Variants in PRKCE observed in about 807,000 individuals in gnomAD.
PRKCE encodes the protein protein kinase C epsilon type.
A neutral mutation model predicts 85.4 loss-of-function variants in PRKCE; 16 were observed. The ratio of observed to expected loss-of-function variants is 0.19; its 90% CI spans 0.13 to 0.28. The LOEUF is 0.28. Ranked by LOEUF, PRKCE falls within the 10% of genes least tolerant of loss-of-function variation. The pLI, the probability that PRKCE is intolerant of heterozygous loss-of-function variation, is 1.00. For synonymous variants in PRKCE, 388 were observed against 371.5 expected, an observed-to-expected ratio of 1.04 and a Z score of -0.51; for missense variants, 573 against 975.2, an observed-to-expected ratio of 0.59 and a Z score of 5.49.
chr2:45,995,799 G>A (rs767989507), intron 6 of PRKCE, among the ~76,000 whole-genome samples: 35 of 152,154 alleles, frequency 2.3e-4, no homozygotes, highest in Admixed American at 1.2e-3. Context: ...TTCTGACTTC[G>A]TTCTTTTTCT....
intron 12 of PRKCE, among the ~76,000 whole-genome samples, chr2:46,150,813 G>A (rs532754007): frequency 6.6e-6 from 1 of 152,326 alleles, no homozygotes; most frequent in South Asian, 2.1e-4. Context: ...GTTCCCACTG[G>A]AAGACAGACT....
At chr2:46,060,825 G>A (rs1469821170) in intron 10 of PRKCE, among the ~76,000 whole-genome samples, 1 of 150,412 alleles carries the variant, frequency 6.6e-6, no homozygotes, top group Non-Finnish European at 1.5e-5. Flanking sequence ...GCAGTGGCAC[G>A]ATATCAGCTC....
chr2:45,689,283 A>T lies in PRKCE; in HGVS notation c.348+36835A>T, dbSNP rs144915931. ...ACAGTGATGCCTTATTTAACTGGGG[A>T]ACAGATTTCAGGTAACCTTGGGTAA... On this transcript the variant is annotated intron_variant, in intron 1 of 14. Coordinates refer to ENST00000306156, the MANE Select transcript of PRKCE (RefSeq NM_005400.3). Among the ~76,000 whole-genome samples the T allele has an allele frequency of 1.6e-3, 251 of 152,296 alleles. 1 individual carries two copies. The highest frequency in any genetic ancestry group is 5.9e-3 in the African/African-American group (244 of 41,554).
chr2:46,097,973 G>A lies in PRKCE; in HGVS notation c.1592+11611G>A, dbSNP rs867722151. 4.0e-4 allele frequency among the ~76,000 whole-genome samples: 61 copies of A among 152,194 alleles called. 2 individuals are homozygous for A. The highest frequency in any genetic ancestry group is 1.3e-3 in the African/African-American group (53 of 41,450). On this transcript the variant is annotated intron_variant, in intron 11 of 14. Transcript: ENST00000306156. Reference sequence around the variant, plus strand: ...AAGTTTACATTCCTTGGAGGAAGCCGCGTTATTGCTGACCAGCTTAGAAGT... The same window carrying A: ...AAGTTTACATTCCTTGGAGGAAGCCACGTTATTGCTGACCAGCTTAGAAGT...
chr2:46,184,275 C>A lies in PRKCE; in HGVS notation c.2068-460C>A, dbSNP rs1196185780. 2.0e-5 allele frequency among the ~76,000 whole-genome samples: 3 copies of A among 152,070 alleles called. No homozygotes were observed. The highest frequency in any genetic ancestry group is 6.6e-5 in the Admixed American group (1 of 15,260). ...GGCAGGCTTGTGGAGAGGATGTCAC[C>A]TGGAGCAGATGTGGCCGGGTTATGG... is the stretch of plus-strand genomic sequence containing the variant. On this transcript the variant is annotated intron_variant, in intron 14 of 14. Coordinates refer to ENST00000306156, the MANE Select transcript of PRKCE (RefSeq NM_005400.3). This position sits in a 1 kb window ranked among gnomAD's most constrained non-coding sequence, Gnocchi z 5.0.
At chr2:46,102,041 G>A (rs1032642927) in intron 11 of PRKCE, among the ~76,000 whole-genome samples, 68 of 139,046 alleles carry the variant, frequency 4.9e-4, no homozygotes, top group Admixed American at 1.2e-3. Flanking sequence ...TACAGGTCCC[G>A]GCGGGAAAGG....
intron 1 of PRKCE, among the ~76,000 whole-genome samples, chr2:45,684,927 A>T (rs1412319649): frequency 2.0e-5 from 3 of 152,236 alleles, no homozygotes; most frequent in African/African-American, 4.8e-5. Context: ...GTAGACTCCC[A>T]GGTGAGGAAG....
intron 1 of PRKCE, among the ~76,000 whole-genome samples, chr2:45,667,187 T>C (rs1675953865): frequency 6.6e-6 from 1 of 151,952 alleles, no homozygotes; most frequent in African/African-American, 2.4e-5. Flanking sequence ...GGCACACACC[T>C]GTAATCCCAG....
At chr2:45,846,767 C>G (rs1344357883) in intron 2 of PRKCE, among the ~76,000 whole-genome samples, 1 of 152,166 alleles carries the variant, frequency 6.6e-6, no homozygotes, top group Non-Finnish European at 1.5e-5. Flanking sequence ...AGCTTAGAGC[C>G]TCAGATTTCT....
chr2:45,695,383 G>A (rs1473518364), intron 1 of PRKCE, among the ~76,000 whole-genome samples: 1 of 152,144 alleles, frequency 6.6e-6, no homozygotes, highest in Non-Finnish European at 1.5e-5. Context: ...TTTCTGCAGG[G>A]AGATGGTGTA....
chr2:46,095,541 A>C (rs1440550651), intron 11 of PRKCE, among the ~76,000 whole-genome samples: 1 of 152,216 alleles, frequency 6.6e-6, no homozygotes, highest in Non-Finnish European at 1.5e-5. Flanking sequence ...CTCTCGCTCC[A>C]CATCACCCTC....
intron 1 of PRKCE, among the ~76,000 whole-genome samples, chr2:45,789,475 A>C (rs1686867896): frequency 6.6e-6 from 1 of 152,172 alleles, no homozygotes; most frequent in Non-Finnish European, 1.5e-5. Context: ...GTAACTCATC[A>C]CTGTAACTCC....
intron 2 of PRKCE, among the ~76,000 whole-genome samples, chr2:45,958,433 C>T (rs1431606172): frequency 3.3e-5 from 5 of 149,672 alleles, no homozygotes; most frequent in East Asian, 4.0e-4. Context: ...GGCATGAAAC[C>T]GGGAGGCAGA....
intron 1 of PRKCE, among the ~76,000 whole-genome samples, chr2:45,702,617 A>G (rs1678740451): frequency 6.6e-6 from 1 of 152,320 alleles, no homozygotes; most frequent in Non-Finnish European, 1.5e-5. Context: ...TTGAATAACT[A>G]TTGATTGAGA....
intron 2 of PRKCE, among the ~76,000 whole-genome samples, chr2:45,973,083 G>T (rs1702211031): frequency 6.6e-6 from 1 of 152,176 alleles, no homozygotes; most frequent in African/African-American, 2.4e-5. Flanking sequence ...AAAATAGAGA[G>T]CCCAGAATTA....
At chr2:45,874,354 C>A (rs1156922359) in intron 2 of PRKCE, among the ~76,000 whole-genome samples, 1 of 152,244 alleles carries the variant, frequency 6.6e-6, no homozygotes, top group South Asian at 2.1e-4. Context: ...CGTGATGACG[C>A]TGGCCTGCCC....
Position 45,774,917 on chromosome 2 carries a change from G to T in PRKCE, c.349-68083G>T, listed in dbSNP as rs531264261. ...GCCCAGTGACACGGTCCCAGCAAGG[G>T]TGTGGTGAAGGAAGTTGTTTTTCTT... On this transcript the variant is annotated intron_variant, in intron 1 of 14. Transcript: ENST00000306156. This position sits in a 1 kb window ranked among gnomAD's most constrained non-coding sequence, Gnocchi z 4.3. Among the ~76,000 whole-genome samples, 64 of 149,860 alleles carry T rather than the reference G, an allele frequency of 4.3e-4. 1 individual carries two copies. The highest frequency in any genetic ancestry group is 3.1e-3 in the South Asian group (15 of 4,790).
At position 45,991,363 on chromosome 2, in the gene PRKCE, A is replaced by ATTT. The variant is rs80278318; in HGVS notation, c.823+6690_823+6692dup. On this transcript the variant is annotated intron_variant, in intron 6 of 14. Coordinates refer to ENST00000306156, the MANE Select transcript of PRKCE (RefSeq NM_005400.3). ...AAATACAAGGTCCATGAGGACAGAG[A>ATTT]TTTTTTTTTGTCTGTTTTATTCTCT... 9.9e-5 allele frequency among the ~76,000 whole-genome samples: 15 copies of ATTT among 151,830 alleles called. No individual in the cohort carries two copies. In the East Asian group the frequency reaches 1.2e-3, roughly 12 times the overall value.
intron 10 of PRKCE, among the ~76,000 whole-genome samples, chr2:46,059,987 T>C (rs1026155261): frequency 6.6e-6 from 1 of 152,242 alleles, no homozygotes; most frequent in Non-Finnish European, 1.5e-5. Flanking sequence ...CATTTTCTTA[T>C]TGCTTTGTGC....
Sources: allele counts gnomAD v4.1 joint callset (sites outside exome capture counted in the v4.1 genomes callset), GRCh38; gene constraint gnomAD v4.1.1; non-coding constraint Gnocchi (gnomAD v3.1); transcripts MANE v1.5; gene names NCBI Gene and HGNC (gene_info 2026-07-23, HGNC 2026-07-21).